GALNTL6: variants seen among roughly 807,000 people sequenced by gnomAD.
The protein encoded by GALNTL6 is polypeptide N-acetylgalactosaminyltransferase-like 6.
Under a neutral mutation model 73.7 loss-of-function variants are expected in GALNTL6, and 46 were observed. The observed-to-expected ratio is 0.62, with a 90% confidence interval of 0.49 to 0.80. The LOEUF (loss-of-function observed/expected upper bound fraction) is 0.80. Ranked by LOEUF, GALNTL6 falls within the 30% of genes least tolerant of loss-of-function variation. The pLI, the probability that GALNTL6 is intolerant of heterozygous loss-of-function variation, is 0.00. For missense variants in GALNTL6, 604 were observed against 755.0 expected (o/e 0.80, Z 2.34); for synonymous variants, 259 against 263.7 (o/e 0.98, Z 0.17).
intron 3 of GALNTL6, among the ~76,000 whole-genome samples, chr4:172,283,383 C>T (rs973150327): frequency 1.3e-5 from 2 of 152,054 alleles, no homozygotes; most frequent in African/African-American, 4.8e-5. Flanking sequence ...GTAAAATGTA[C>T]TAATTTCTTA....
At chr4:172,075,645 A>G (rs1365975171) in intron 2 of GALNTL6, among the ~76,000 whole-genome samples, 1 of 152,130 alleles carries the variant, frequency 6.6e-6, no homozygotes, top group African/African-American at 2.4e-5. Context: ...CCCAACAGGT[A>G]TCTTAAAAAA....
At chr4:171,830,926 A>C (rs372391215) in intron 2 of GALNTL6, among the ~76,000 whole-genome samples, 16 of 152,134 alleles carry the variant, frequency 1.1e-4, no homozygotes, top group African/African-American at 3.1e-4. Context: ...AATAACTACC[A>C]CGGCAATTTA....
intron 10 of GALNTL6, among the ~76,000 whole-genome samples, chr4:173,006,992 G>A (rs188508251): frequency 2.6e-5 from 4 of 152,298 alleles, no homozygotes; most frequent in Non-Finnish European, 4.4e-5. Flanking sequence ...AGCAGTAGCA[G>A]ATGAAGCCAA....
intron 3 of GALNTL6, among the ~76,000 whole-genome samples, chr4:172,258,367 G>A (rs1738153416): frequency 6.6e-6 from 1 of 151,094 alleles, no homozygotes; most frequent in South Asian, 2.1e-4. Flanking sequence ...AACACGTTTA[G>A]GTCTAGATAT....
Position 172,959,545 on chromosome 4 carries a change from A to G in GALNTL6, c.1371+7287A>G, listed in dbSNP as rs142319808. ...ACTCCATGTTGATTAAGAAGGGGAT[A>G]GACTTACCCTCCACTGTGAGAGTTA... On this transcript the variant is annotated intron_variant, in intron 10 of 12. Coordinates refer to ENST00000506823, the MANE Select transcript of GALNTL6 (RefSeq NM_001034845.3). 3.9e-3 allele frequency among the ~76,000 whole-genome samples: 594 copies of G among 152,130 alleles called. 3 individuals are homozygous for G. Among genetic ancestry groups the G allele is most frequent in the African/African-American group, 0.014 (562 of 41,510 alleles).
chr4:172,468,847 C>G (rs1293207813), intron 5 of GALNTL6, among the ~76,000 whole-genome samples: 11 of 152,140 alleles, frequency 7.2e-5, no homozygotes, highest in African/African-American at 1.9e-4. Context: ...TGAGCCCACC[C>G]TTCTACACTC....
rs202167171 is a variant in GALNTL6, at chr4:172,282,666, C to CAAA, written c.248-28936_248-28934dup. ...GTGTGGAGAATGAGTTGAAATGGGG[C>CAAA]AAAAAAAAAAAAAAGCAAAATGACT... is the stretch of plus-strand genomic sequence containing the variant. On this transcript the variant is annotated intron_variant, in intron 3 of 12. Coordinates refer to ENST00000506823, the MANE Select transcript of GALNTL6 (RefSeq NM_001034845.3). 3.7e-3 allele frequency among the ~76,000 whole-genome samples: 453 copies of CAAA among 123,400 alleles called. 2 individuals are homozygous for CAAA. Among genetic ancestry groups the CAAA allele is most frequent in the East Asian group, 0.012 (43 of 3,656 alleles). 81.0% of individuals were successfully genotyped at this position (123,400 alleles called of 152,430 possible). A position where few individuals can be genotyped will look rare whatever the true frequency, so the allele number is the denominator to read the frequency against.
At position 172,450,820 on chromosome 4, in the gene GALNTL6, A is replaced by T. The variant is rs149388579; in HGVS notation, c.553+102131A>T. Reference sequence around the variant, plus strand: ...CATGTTTTGGTTCAAGTCTCAACTCAAATGTTTTCTTCTCAGAGAAGTCTT... The same window carrying T: ...CATGTTTTGGTTCAAGTCTCAACTCTAATGTTTTCTTCTCAGAGAAGTCTT... On this transcript the variant is annotated intron_variant, in intron 5 of 12. Coordinates refer to ENST00000506823, the MANE Select transcript of GALNTL6 (RefSeq NM_001034845.3). Among the ~76,000 whole-genome samples the T allele has an allele frequency of 3.9e-3, 600 of 152,338 alleles. 12 individuals are homozygous for T. The highest frequency in any genetic ancestry group is 0.031 in the Admixed American group (475 of 15,298).
At chr4:172,899,803 G>T (rs1278471077) in intron 8 of GALNTL6, among the ~76,000 whole-genome samples, 1 of 152,272 alleles carries the variant, frequency 6.6e-6, no homozygotes, top group African/African-American at 2.4e-5. Context: ...GCTAAACAAG[G>T]GGTAGATTAT....
chr4:172,576,747 A>G (rs778639566), intron 5 of GALNTL6, among the ~76,000 whole-genome samples: 14 of 152,200 alleles, frequency 9.2e-5, no homozygotes, highest in African/African-American at 1.9e-4. Flanking sequence ...TATAACTACT[A>G]TCACTAAGAA....
chr4:172,799,311 T>C lies in GALNTL6; in HGVS notation c.554-10050T>C, dbSNP rs1740470029. Among the ~76,000 whole-genome samples the C allele has an allele frequency of 2.0e-5, 3 of 152,234 alleles. No individual in the cohort carries two copies. In the South Asian group the frequency reaches 6.2e-4, roughly 31 times the overall value. ...AGTTTTCAAACAAGCTATTCTTGAC[T>C]AATCTATGCTGCAGTGGGGGGAAAA... On this transcript the variant is annotated intron_variant, in intron 5 of 12. Coordinates refer to ENST00000506823, the MANE Select transcript of GALNTL6 (RefSeq NM_001034845.3).
intron 2 of GALNTL6, among the ~76,000 whole-genome samples, chr4:171,926,911 T>C (rs1360800547): frequency 2.6e-5 from 4 of 152,148 alleles, no homozygotes; most frequent in African/African-American, 7.2e-5. Context: ...TTAATTTTTG[T>C]TTGTTTATGA....
At chr4:172,645,421 T>C (rs1416209119) in intron 5 of GALNTL6, among the ~76,000 whole-genome samples, 1 of 152,038 alleles carries the variant, frequency 6.6e-6, no homozygotes, top group Non-Finnish European at 1.5e-5. Flanking sequence ...ATTTATCTAA[T>C]TGATCCAGGA....
At chr4:171,971,667 T>C (rs1234900006) in intron 2 of GALNTL6, among the ~76,000 whole-genome samples, 1 of 152,212 alleles carries the variant, frequency 6.6e-6, no homozygotes, top group African/African-American at 2.4e-5. Context: ...TAGGTTTCTG[T>C]AAAGCAATTC....
intron 8 of GALNTL6, among the ~76,000 whole-genome samples, chr4:172,888,746 T>C (rs1472889580): frequency 2.0e-5 from 3 of 152,188 alleles, no homozygotes; most frequent in Admixed American, 2.0e-4. Flanking sequence ...CTGGGCTCTT[T>C]TGTTGCTTCC....
At chr4:172,046,991 C>G (rs1447388349) in intron 2 of GALNTL6, among the ~76,000 whole-genome samples, 1 of 152,018 alleles carries the variant, frequency 6.6e-6, no homozygotes, top group African/African-American at 2.4e-5. Flanking sequence ...GACATTGAGA[C>G]GTCAAGGGGA....
chr4:172,913,275 G>A (rs547097241), intron 8 of GALNTL6, among the ~76,000 whole-genome samples: 6 of 152,338 alleles, frequency 3.9e-5, no homozygotes, highest in African/African-American at 1.2e-4. Context: ...AAACCACAAA[G>A]ATGGGGAGAA....
At chr4:172,117,828 TA>T (rs1460672191) in intron 2 of GALNTL6, among the ~76,000 whole-genome samples, 2 of 151,938 alleles carry the variant, frequency 1.3e-5, no homozygotes, top group African/African-American at 4.8e-5. Flanking sequence ...CTTCCATTAT[TA>T]AAAAAGTTTC....
chr4:172,210,688 C>T (rs1452200210), intron 2 of GALNTL6, among the ~76,000 whole-genome samples: 1 of 152,086 alleles, frequency 6.6e-6, no homozygotes, highest in Non-Finnish European at 1.5e-5. Context: ...TAAAGTTATT[C>T]TCACTGCCAG....
Sources: gnomAD v4.1 joint callset for allele counts (sites outside exome capture counted in the v4.1 genomes callset) on GRCh38, gnomAD v4.1.1 for gene constraint, MANE v1.5 for transcripts, NCBI Gene and HGNC (gene_info 2026-07-23, HGNC 2026-07-21) for gene names.